The following TLL1 variants were observed in gnomAD, a reference collection of about 807,000 sequenced individuals.
TLL1 encodes tolloid like 1.
In TLL1, 49 loss-of-function variants were observed where a neutral mutation model predicts 128.2. The observed-to-expected ratio is 0.38, with a 90% CI of 0.30 to 0.48. The LOEUF (loss-of-function observed/expected upper bound fraction) is 0.48, where lower values mean the gene tolerates loss of function less well. Ranked by LOEUF, TLL1 falls within the 20% of genes least tolerant of loss-of-function variation. TLL1 has a pLI of 0.96. For synonymous variants in TLL1, 454 were observed against 418.8 expected (o/e 1.08, Z -1.03); for missense variants, 1,123 against 1,242.0 (o/e 0.90, Z 1.44).
At chr4:165,935,261 G>A (rs1027090350) in intron 1 of TLL1, among the ~76,000 whole-genome samples, 1 of 152,126 alleles carries the variant, frequency 6.6e-6, no homozygotes, top group African/African-American at 2.4e-5. Context: ...AATCATGCTA[G>A]AAATACCTCT....
intron 12 of TLL1, among the ~76,000 whole-genome samples, chr4:166,050,732 C>G (rs1196857943): frequency 6.6e-6 from 1 of 152,160 alleles, no homozygotes; most frequent in Non-Finnish European, 1.5e-5. Context: ...CCCACATGCA[C>G]TGACCACTAA....
At chr4:166,076,138 T>G (rs1275284281) in intron 17 of TLL1, among the ~76,000 whole-genome samples, 1 of 152,106 alleles carries the variant, frequency 6.6e-6, no homozygotes, top group East Asian at 1.9e-4. Flanking sequence ...AGTGGGGTGA[T>G]CTCAGCTGAT....
chr4:165,931,057 C>T (rs1480928135), intron 1 of TLL1, among the ~76,000 whole-genome samples: 1 of 152,086 alleles, frequency 6.6e-6, no homozygotes, highest in Non-Finnish European at 1.5e-5. Flanking sequence ...TAATTGTTAC[C>T]TCTCTTTCAT....
At chr4:165,891,892 C>T (rs1356848894) in intron 1 of TLL1, among the ~76,000 whole-genome samples, 1 of 152,186 alleles carries the variant, frequency 6.6e-6, no homozygotes, top group Non-Finnish European at 1.5e-5. Context: ...ACAGCAGTAA[C>T]TCACTCTACA....
rs368300118 is a variant in TLL1, at chr4:165,994,499, C to T, written c.480C>T (p.Gly160=). 6.8e-6 allele frequency: 11 copies of T among 1,613,776 alleles called. No individual in the cohort carries two copies. Among genetic ancestry groups the T allele is most frequent in the Admixed American group, 5.0e-5 (3 of 59,972 alleles). The part of the protein sequence containing the change: ...TSRTERIWPG[G]VIPYVIGGNF... ...GAACGGAAAGAATATGGCCTGGAGG[C>T]GTTATTCCTTATGTTATAGGAGGAA... Residue 160 remains glycine, a synonymous_variant, in exon 4 of 21, where the codon GGC becomes GGT. Transcript: ENST00000061240.
chr4:166,057,408 A>G (rs373447470), intron 14 of TLL1, 99 bp downstream of exon 14: 27 of 1,511,618 alleles, frequency 1.8e-5, no homozygotes, highest in South Asian at 1.7e-4. Flanking sequence ...CCTTTTTCCT[A>G]TAGTGACCTC....
chr4:166,025,136 A>T (rs1738432542), intron 8 of TLL1, among the ~76,000 whole-genome samples, 180 bp from the exon 9 acceptor site: 1 of 152,188 alleles, frequency 6.6e-6, no homozygotes, highest in South Asian at 2.1e-4. Context: ...GATGCCATTA[A>T]ATATACTGGA....
Position 166,077,967 on chromosome 4 carries a change from G to A in TLL1, c.2379G>A (p.Lys793=). The A allele has an allele frequency of 6.2e-7, 1 of 1,613,632 alleles. No individual in the cohort carries two copies. The part of the protein sequence containing the change: ...GLITSPNWPD[K]YPSRKECTWE... ...TCACCAGTCCCAACTGGCCAGACAA[G>A]TACCCAAGCAGGAAAGAATGCACTT... Residue 793 remains lysine (K), a synonymous_variant, in exon 18 of 21, where the codon AAG becomes AAA. Transcript: ENST00000061240.
intron 1 of TLL1, among the ~76,000 whole-genome samples, chr4:165,942,600 G>GTA (rs1734070090): frequency 6.8e-6 from 1 of 148,066 alleles, no homozygotes; most frequent in Non-Finnish European, 1.5e-5. Context: ...GTATGTGTGT[G>GTA]TATATATTTT....
chr4:166,000,346 C>T (rs1361659213), intron 5 of TLL1, among the ~76,000 whole-genome samples: 1 of 152,078 alleles, frequency 6.6e-6, no homozygotes, highest in Non-Finnish European at 1.5e-5. Flanking sequence ...CATCTGTCTC[C>T]AAGACCTTTA....
chr4:166,054,913 A>C lies in TLL1; in HGVS notation c.1525-163A>C, dbSNP rs1393854. On this transcript the variant is annotated intron_variant, in intron 12 of 20. Coordinates refer to ENST00000061240, the MANE Select transcript of TLL1 (RefSeq NM_012464.5). ...CCAGAATAACATCCTTTGTTCATGG[A>C]TATTACAGTGTACGTTCATGAGAAA... Among the ~76,000 whole-genome samples, 105,527 of 151,938 alleles carry C rather than the reference A, an allele frequency of 0.69. 38,308 individuals carry two copies. Among genetic ancestry groups the C allele is most frequent in the African/African-American group, 0.92 (38,278 of 41,476 alleles).
At chr4:166,091,678 A>G (rs1292478164) in intron 19 of TLL1, among the ~76,000 whole-genome samples, 27 of 152,136 alleles carry the variant, frequency 1.8e-4, no homozygotes, top group Admixed American at 1.7e-3. Context: ...TGTTATATTT[A>G]ACAGATAGAA....
chr4:166,031,591 C>T (rs1738773919), intron 9 of TLL1, among the ~76,000 whole-genome samples: 1 of 151,974 alleles, frequency 6.6e-6, no homozygotes, highest in Non-Finnish European at 1.5e-5. Flanking sequence ...TGGTCTTGAA[C>T]TTTTGAGCTC....
rs1284469056 is a variant in TLL1, at chr4:166,093,453, AT to A, written c.2656+2114del. ...GTGGAGTAAAGAATAACAAAGCAGC[AT>A]TGCTGCCAACATGTCTCGCCTCCTG... On this transcript the variant is annotated intron_variant, in intron 19 of 20. Transcript: ENST00000061240. 3.9e-5 allele frequency among the ~76,000 whole-genome samples: 6 copies of A among 152,260 alleles called. No homozygotes were observed. In the East Asian group the frequency reaches 1.2e-3, roughly 30 times the overall value.
In TLL1 at chr4:165,873,396, G is replaced by C. The variant is rs1419193720; in HGVS notation, c.-509G>C. 1.3e-5 allele frequency: 2 copies of C among 153,058 alleles called. No homozygotes were observed. The highest frequency in any genetic ancestry group is 4.8e-5 in the African/African-American group (2 of 41,446). The allele number at this position is 153,058 out of a possible 1,614,324, so 9.5% of individuals were successfully genotyped here. On this transcript the variant is annotated 5_prime_UTR_variant, in exon 1 of 21. Transcript: ENST00000061240. ...TTCAGATGTGCTGATGTGCAGACCG[G>C]ATTCATCTTCTCGGAGCTGCGGCGG...
intron 1 of TLL1, among the ~76,000 whole-genome samples, chr4:165,962,777 G>C (rs1187371068): frequency 1.3e-5 from 2 of 152,034 alleles, no homozygotes; most frequent in Non-Finnish European, 2.9e-5. Flanking sequence ...GATGCAGCTG[G>C]AGGCAATTAT....
At chr4:165,992,952 C>T in intron 3 of TLL1, 68 bp downstream of exon 3, 2 of 1,292,608 alleles carry the variant, frequency 1.5e-6, no homozygotes, top group South Asian at 2.4e-5. Context: ...CATAGCAGTT[C>T]AGTTTATTAA....
intron 1 of TLL1, among the ~76,000 whole-genome samples, chr4:165,944,124 GA>G (rs1734137560): frequency 6.6e-6 from 1 of 152,112 alleles, no homozygotes; most frequent in African/African-American, 2.4e-5. Flanking sequence ...TATGTCCGAT[GA>G]AAAGATTTTT....
intron 8 of TLL1, among the ~76,000 whole-genome samples, chr4:166,016,016 T>A (rs1270482926): frequency 6.6e-6 from 1 of 152,048 alleles, no homozygotes; most frequent in Non-Finnish European, 1.5e-5. Flanking sequence ...AAAAATTTTT[T>A]GTGTATAAAT....
Sources: allele counts gnomAD v4.1 joint callset (sites outside exome capture counted in the v4.1 genomes callset), GRCh38; gene constraint gnomAD v4.1.1; transcripts MANE v1.5; gene names NCBI Gene and HGNC (gene_info 2026-07-23, HGNC 2026-07-21).